Variants in BARX2 observed in about 807,000 individuals in gnomAD.
BARX2 encodes homeobox protein BarH-like 2.
A neutral mutation model predicts 25.5 loss-of-function variants in BARX2; 11 were observed. The ratio of observed to expected loss-of-function variants is 0.43; its 90% CI spans 0.27 to 0.71. The LOEUF (loss-of-function observed/expected upper bound fraction) is 0.71, where lower values mean the gene tolerates loss of function less well. BARX2 is among the 30% of genes least tolerant of loss of function. The pLI is 0.19. For missense variants in BARX2, 360 were observed against 359.9 expected, an observed-to-expected ratio of 1.00 and a Z score of 0.00; for synonymous variants, 137 against 149.5, an observed-to-expected ratio of 0.92 and a Z score of 0.61.
chr11:129,425,885 T>C lies in BARX2; in HGVS notation c.188-10866T>C, dbSNP rs150050185. Among the ~76,000 whole-genome samples, 467 of 152,318 alleles carry C rather than the reference T, an allele frequency of 3.1e-3. 2 individuals carry two copies. Among genetic ancestry groups the C allele is most frequent in the African/African-American group, 0.01 (434 of 41,564 alleles). On this transcript the variant is annotated intron_variant, in intron 1 of 3. Transcript: ENST00000281437. ...TAAACCTTTGTAAACTTCTTAAGTT[T>C]TTATTTAACTGGAGGGTTATTCCAG...
intron 1 of BARX2, among the ~76,000 whole-genome samples, chr11:129,435,538 G>T (rs1862178617): frequency 6.6e-6 from 1 of 152,198 alleles, no homozygotes; most frequent in South Asian, 2.1e-4. Flanking sequence ...TCAGATGCTG[G>T]CTGTGGCCTT....
At chr11:129,375,270 A>G (rs1861487756), upstream of BARX2, among the ~76,000 whole-genome samples, 2 of 152,036 alleles carry the variant, frequency 1.3e-5, no homozygotes, top group African/African-American at 2.4e-5. This position sits in a 1 kb window ranked among gnomAD's most constrained non-coding sequence, Gnocchi z 4.0. Context: ...AGGGCTTGGG[A>G]AGCCGCGGTC....
intron 1 of BARX2, among the ~76,000 whole-genome samples, chr11:129,424,682 C>T (rs1862044375): frequency 6.6e-6 from 1 of 152,200 alleles, no homozygotes; most frequent in Non-Finnish European, 1.5e-5. Flanking sequence ...TCAGGAATTG[C>T]TTCTCTTCTT....
chr11:129,402,228 G>A (rs953063249), intron 1 of BARX2, among the ~76,000 whole-genome samples: 2 of 151,988 alleles, frequency 1.3e-5, no homozygotes, highest in African/African-American at 4.8e-5. Flanking sequence ...TGCAGCTTTG[G>A]GGGCACAGAC....
At position 129,408,963 on chromosome 11, in the gene BARX2, C is replaced by G. The variant is rs151012615; in HGVS notation, c.188-27788C>G. Among the ~76,000 whole-genome samples, 366 of 152,254 alleles carry G rather than the reference C, an allele frequency of 2.4e-3. 1 individual carries two copies. The highest frequency in any genetic ancestry group is 0.01 in the South Asian group (49 of 4,822). ...TTGAACTTGAACCCTAAGAGATGGG[C>G]TGTGACCTTTGTTGCCCTCAAACTA... On this transcript the variant is annotated intron_variant, in intron 1 of 3. Coordinates refer to ENST00000281437, the MANE Select transcript of BARX2 (RefSeq NM_003658.5).
chr11:129,384,014 C>T (rs1406465766), intron 1 of BARX2, among the ~76,000 whole-genome samples: 1 of 152,122 alleles, frequency 6.6e-6, no homozygotes, highest in Non-Finnish European at 1.5e-5. Context: ...GCTGGGATTA[C>T]AGGCGTCTGC....
At chr11:129,409,349 A>G (rs1861864137) in intron 1 of BARX2, among the ~76,000 whole-genome samples, 1 of 152,112 alleles carries the variant, frequency 6.6e-6, no homozygotes, top group South Asian at 2.1e-4. Context: ...TGAATTCTTC[A>G]GTGTGTTTTT....
chr11:129,411,387 A>G (rs1861885571), intron 1 of BARX2, among the ~76,000 whole-genome samples: 1 of 151,648 alleles, frequency 6.6e-6, no homozygotes, highest in Admixed American at 6.6e-5. Flanking sequence ...AAAAAAAAAA[A>G]AAAAGAATTA....
chr11:129,387,280 C>T lies in BARX2; in HGVS notation c.187+11058C>T, dbSNP rs1861625237. On this transcript the variant is annotated intron_variant, in intron 1 of 3. Transcript: ENST00000281437. ...TTATCAAGGAAGATATTCCAAAGAG[C>T]TGCCGTGGGACTACATAAGTCAGAA... Among the ~76,000 whole-genome samples the T allele has an allele frequency of 2.0e-5, 3 of 152,178 alleles. No individual in the cohort carries two copies. The South Asian group carries it at 6.2e-4, about 31-fold the overall frequency.
chr11:129,407,970 GGCGGGCC>G (rs1322327774), intron 1 of BARX2, among the ~76,000 whole-genome samples: 1 of 144,818 alleles, frequency 6.9e-6, no homozygotes, highest in African/African-American at 2.6e-5. Flanking sequence ...GGGAGGCCAA[GGCGGGCC>G]GATCATGAGG....
chr11:129,444,636 G>C lies in BARX2; in HGVS notation c.573+1717G>C, dbSNP rs937032852. ...CCGAGCATGTTATAATTAAGTGCTG[G>C]TTGTTACGGATTTATAAGCCCATCG... On this transcript the variant is annotated intron_variant, in intron 3 of 3. Transcript: ENST00000281437. Among the ~76,000 whole-genome samples the C allele has an allele frequency of 3.9e-5, 6 of 152,182 alleles. No homozygotes were observed. The South Asian group carries it at 1.2e-3, about 32-fold the overall frequency.
In BARX2 at chr11:129,375,994, C is replaced by A. The variant is rs1450759683; in HGVS notation, c.-42C>A. On this transcript the variant is annotated 5_prime_UTR_variant, in exon 1 of 4. Transcript: ENST00000281437. This position sits in a 1 kb window ranked among gnomAD's most constrained non-coding sequence, Gnocchi z 4.0. ...CCGCGGCCCCAGCGGGCCGGGCACT[C>A]GCAGCCGCGCTCGGGCCGGCGGACG... 1.5e-5 allele frequency: 19 copies of A among 1,268,562 alleles called. No individual in the cohort carries two copies. Among genetic ancestry groups the A allele is most frequent in the South Asian group, 4.3e-5 (2 of 46,372 alleles). 78.6% of individuals were successfully genotyped at this position (1,268,562 alleles called of 1,614,324 possible). A position where few individuals can be genotyped will look rare whatever the true frequency, so the allele number is the denominator to read the frequency against.
At chr11:129,416,119 G>A (rs555500225) in intron 1 of BARX2, among the ~76,000 whole-genome samples, 3 of 152,334 alleles carry the variant, frequency 2.0e-5, no homozygotes, top group Admixed American at 6.5e-5. Flanking sequence ...TAAGGCCTTC[G>A]AACTTGGCCT....
Position 129,376,028 on chromosome 11 carries a change from G to A in BARX2, c.-8G>A. 2 of 1,499,184 alleles carry A rather than the reference G, an allele frequency of 1.3e-6. No homozygotes were observed. Among genetic ancestry groups the A allele is most frequent in the South Asian group, 1.3e-5 (1 of 76,804 alleles). The allele number at this position is 1,499,184 out of a possible 1,614,324, so 92.9% of individuals were successfully genotyped here. Reference sequence around the variant, plus strand: ...GCTCGGGCCGGCGGACGCTCGCGCCGGCTCACCATGCACTGCCACGCCGAG... The same window carrying A: ...GCTCGGGCCGGCGGACGCTCGCGCCAGCTCACCATGCACTGCCACGCCGAG... On this transcript the variant is annotated 5_prime_UTR_variant, in exon 1 of 4. Coordinates refer to ENST00000281437, the MANE Select transcript of BARX2 (RefSeq NM_003658.5). This position sits in a 1 kb window ranked among gnomAD's most constrained non-coding sequence, Gnocchi z 4.2.
At chr11:129,383,547 T>G (rs904624865) in intron 1 of BARX2, among the ~76,000 whole-genome samples, 1 of 152,210 alleles carries the variant, frequency 6.6e-6, no homozygotes, top group East Asian at 1.9e-4. Flanking sequence ...GATTAGGTGA[T>G]GTTCAAGTAC....
At chr11:129,401,494 A>G (rs1283412687) in intron 1 of BARX2, among the ~76,000 whole-genome samples, 1 of 152,198 alleles carries the variant, frequency 6.6e-6, no homozygotes, top group East Asian at 1.9e-4. Context: ...TTGTGGTTAG[A>G]AAGAGGTTGT....
chr11:129,378,810 C>A (rs1591423457), intron 1 of BARX2, among the ~76,000 whole-genome samples: 1 of 142,508 alleles, frequency 7.0e-6, no homozygotes, highest in African/African-American at 2.6e-5. Flanking sequence ...ACAATAAGTG[C>A]ATAAAATTGG....
intron 1 of BARX2, among the ~76,000 whole-genome samples, chr11:129,392,304 C>T (rs1482816498): frequency 6.6e-6 from 1 of 152,242 alleles, no homozygotes; most frequent in Non-Finnish European, 1.5e-5. Flanking sequence ...TTCCTGTGCA[C>T]TGTCGGGCTT....
intron 3 of BARX2, among the ~76,000 whole-genome samples, 196 bp downstream of exon 3, chr11:129,443,115 G>C (rs1269861172): frequency 6.6e-6 from 1 of 151,574 alleles, no homozygotes; most frequent in Non-Finnish European, 1.5e-5. Context: ...CTAAACAGAG[G>C]GATATTCTTT....
Sources: gnomAD v4.1 joint callset for allele counts (sites outside exome capture counted in the v4.1 genomes callset) on GRCh38, gnomAD v4.1.1 for gene constraint, Gnocchi (gnomAD v3.1) non-coding constraint, MANE v1.5 for transcripts, NCBI Gene and HGNC (gene_info 2026-07-23, HGNC 2026-07-21) for gene names.